ATP8A2: variants seen among roughly 807,000 people sequenced by gnomAD.
The protein encoded by ATP8A2 is phospholipid-transporting ATPase IB.
A neutral mutation model predicts 165.6 loss-of-function variants in ATP8A2; 100 were observed. That is an observed-to-expected ratio of 0.60 (90% CI 0.51 to 0.71). The LOEUF is 0.71. ATP8A2 is among the 30% of genes least tolerant of loss of function. The pLI is 0.00. For synonymous variants in ATP8A2, 543 were observed against 548.8 expected, an observed-to-expected ratio of 0.99 and a Z score of 0.15; for missense variants, 1,227 against 1,479.5, an observed-to-expected ratio of 0.83 and a Z score of 2.80.
intron 33 of ATP8A2, among the ~76,000 whole-genome samples, chr13:25,869,137 GC>G (rs1952610024): frequency 6.6e-6 from 1 of 150,640 alleles, no homozygotes; most frequent in Non-Finnish European, 1.5e-5. Flanking sequence ...ATTCAGTTGA[GC>G]AGTGCTAGCT....
chr13:25,870,816 C>T lies in ATP8A2; in HGVS notation c.3183+8408C>T, dbSNP rs9578933. 1.4e-3 allele frequency among the ~76,000 whole-genome samples: 213 copies of T among 150,698 alleles called. 1 individual carries two copies. Among genetic ancestry groups the T allele is most frequent in the African/African-American group, 4.6e-3 (183 of 40,006 alleles). ...AATAAATTTTATCTGAAGTGACTTA[C>T]CCCGCAATGCAATAGAATTTTTAAA... is the stretch of plus-strand genomic sequence containing the variant. On this transcript the variant is annotated intron_variant, in intron 33 of 36. Transcript: ENST00000381655.
At position 25,804,051 on chromosome 13, in the gene ATP8A2, A is replaced by G. The variant is rs117513426; in HGVS notation, c.2680-24067A>G. Among the ~76,000 whole-genome samples the G allele has an allele frequency of 4.6e-3, 701 of 152,326 alleles. 16 individuals are homozygous for G. The highest frequency in any genetic ancestry group is 0.036 in the Admixed American group (555 of 15,298). On this transcript the variant is annotated intron_variant, in intron 27 of 36. Coordinates refer to ENST00000381655, the MANE Select transcript of ATP8A2 (RefSeq NM_016529.6). ...AGGACAAAGAGATGAGTTTTTAGAGAAAAAAGCACATTAGCAATAATATTC... is the reference window on the plus strand; with the variant it reads ...AGGACAAAGAGATGAGTTTTTAGAGGAAAAAGCACATTAGCAATAATATTC...
chr13:25,427,897 A>G (rs1469861152), intron 1 of ATP8A2, among the ~76,000 whole-genome samples: 2 of 151,306 alleles, frequency 1.3e-5, no homozygotes, highest in African/African-American at 2.4e-5. Context: ...TGTCTCAGAA[A>G]AAAAAGAAAA....
At position 25,583,609 on chromosome 13, in the gene ATP8A2, T is replaced by G. The variant is rs369839676; in HGVS notation, c.2146+1652T>G. Among the ~76,000 whole-genome samples, 77 of 152,272 alleles carry G rather than the reference T, an allele frequency of 5.1e-4. 1 individual carries two copies. In the South Asian group the frequency reaches 0.016, roughly 31 times the overall value. On this transcript the variant is annotated intron_variant, in intron 23 of 36. Coordinates refer to ENST00000381655, the MANE Select transcript of ATP8A2 (RefSeq NM_016529.6). ...CCCCTGGGAGCACACGCAGCCCTTTTTCGTGTGTGTTCATTTTATTATACC... is the reference window on the plus strand; with the variant it reads ...CCCCTGGGAGCACACGCAGCCCTTTGTCGTGTGTGTTCATTTTATTATACC...
intron 33 of ATP8A2, among the ~76,000 whole-genome samples, chr13:25,895,993 T>A (rs1465397972): frequency 2.6e-5 from 4 of 152,184 alleles, no homozygotes; most frequent in Non-Finnish European, 5.9e-5. Context: ...AGCTCCTGGA[T>A]TCATTGATTT....
At chr13:25,762,298 C>CAAAAAAAA (rs2044398484) in intron 25 of ATP8A2, among the ~76,000 whole-genome samples, 5 of 26,544 alleles carry the variant, frequency 1.9e-4, no homozygotes, top group Admixed American at 3.1e-4. Flanking sequence ...AAAAAAAAAG[C>CAAAAAAAA]TGTCCCAGAA....
At chr13:25,710,991 C>G (rs1361406661) in intron 25 of ATP8A2, among the ~76,000 whole-genome samples, 2 of 152,074 alleles carry the variant, frequency 1.3e-5, no homozygotes, top group Non-Finnish European at 2.9e-5. Flanking sequence ...AAGATATATC[C>G]TGAGGTCCTC....
At chr13:25,753,454 A>G (rs920273945) in intron 25 of ATP8A2, among the ~76,000 whole-genome samples, 17 of 152,182 alleles carry the variant, frequency 1.1e-4, no homozygotes, top group Non-Finnish European at 2.9e-5. Context: ...GAGTACAGCA[A>G]TGCATAGCTG....
chr13:25,567,554 C>A (rs976546639), intron 16 of ATP8A2, among the ~76,000 whole-genome samples: 1 of 152,112 alleles, frequency 6.6e-6, no homozygotes, highest in Admixed American at 6.6e-5. Flanking sequence ...TGATGACCAT[C>A]CAAACACAGA....
At chr13:25,578,684 T>C (rs993891436) in intron 20 of ATP8A2, 131 bp from the exon 21 acceptor site, 41 of 693,402 alleles carry the variant, frequency 5.9e-5, no homozygotes, top group Non-Finnish European at 9.3e-5. Flanking sequence ...CCCAGCCAAA[T>C]GCTAAATTCC....
intron 35 of ATP8A2, among the ~76,000 whole-genome samples, chr13:26,010,492 AG>A (rs1170931809): frequency 6.6e-6 from 1 of 152,198 alleles, no homozygotes; most frequent in Non-Finnish European, 1.5e-5. Context: ...AGGCAGGGTG[AG>A]GGGCCCCCTC....
chr13:25,699,460 G>A, intron 25 of ATP8A2, 115 bp downstream of exon 25: 5 of 823,878 alleles, frequency 6.1e-6, no homozygotes, highest in Non-Finnish European at 8.7e-6. Flanking sequence ...TCTAAAAAAG[G>A]CAAAACAAAA....
chr13:25,645,472 T>C lies in ATP8A2; in HGVS notation c.2212-53701T>C, dbSNP rs115931173. On this transcript the variant is annotated intron_variant, in intron 24 of 36. Coordinates refer to ENST00000381655, the MANE Select transcript of ATP8A2 (RefSeq NM_016529.6). The stretch of plus-strand genomic sequence containing the variant: ...CACTCATAGTGAGCTTAGTTTGTTC[T>C]TCTTTTTCTGTTTCCTTGAGGCATA... 2.1e-3 allele frequency among the ~76,000 whole-genome samples: 325 copies of C among 152,324 alleles called. 1 individual carries two copies. Among genetic ancestry groups the C allele is most frequent in the African/African-American group, 7.5e-3 (312 of 41,582 alleles).
intron 33 of ATP8A2, among the ~76,000 whole-genome samples, chr13:25,899,039 G>A (rs1566250680): frequency 6.6e-6 from 1 of 152,192 alleles, no homozygotes; most frequent in Non-Finnish European, 1.5e-5. Context: ...CCACTGTCTT[G>A]CACCCACTGT....
chr13:25,952,448 A>G (rs921607837), intron 33 of ATP8A2, among the ~76,000 whole-genome samples: 1 of 151,566 alleles, frequency 6.6e-6, no homozygotes, highest in African/African-American at 2.4e-5. Flanking sequence ...TGGCACAATC[A>G]TAGCTCACTT....
intron 33 of ATP8A2, among the ~76,000 whole-genome samples, chr13:25,923,634 T>C (rs1407598352): frequency 1.3e-5 from 2 of 151,092 alleles, no homozygotes; most frequent in African/African-American, 4.9e-5. Context: ...TCCATTTTTT[T>C]TTTTCTGTAA....
At position 25,931,895 on chromosome 13, in the gene ATP8A2, A is replaced by G. The variant is rs532217751; in HGVS notation, c.3184-29680A>G. Among the ~76,000 whole-genome samples, 67 of 152,162 alleles carry G rather than the reference A, an allele frequency of 4.4e-4. 1 individual carries two copies. Among genetic ancestry groups the G allele is most frequent in the Middle Eastern group, 3.4e-3 (1 of 294 alleles). ...AACCCCCGTCTCTACTAAAAATACA[A>G]AAATTAGCTGGGTGTGGTGGCGGGT... is the stretch of plus-strand genomic sequence containing the variant. On this transcript the variant is annotated intron_variant, in intron 33 of 36. Coordinates refer to ENST00000381655, the MANE Select transcript of ATP8A2 (RefSeq NM_016529.6).
chr13:25,718,910 G>A (rs2138020504), intron 25 of ATP8A2, among the ~76,000 whole-genome samples: 1 of 152,288 alleles, frequency 6.6e-6, no homozygotes, highest in East Asian at 1.9e-4. Context: ...AATGGCAGGA[G>A]TGGAAGGGAA....
At chr13:25,656,268 T>TA (rs1237721000) in intron 24 of ATP8A2, among the ~76,000 whole-genome samples, 1 of 107,484 alleles carries the variant, frequency 9.3e-6, no homozygotes, top group Non-Finnish European at 2.0e-5. Flanking sequence ...CACTATTACT[T>TA]AAAGTTGGAT....
Sources: allele counts gnomAD v4.1 joint callset (sites outside exome capture counted in the v4.1 genomes callset), GRCh38; gene constraint gnomAD v4.1.1; transcripts MANE v1.5; gene names NCBI Gene and HGNC (gene_info 2026-07-23, HGNC 2026-07-21).